MAGI1: variants seen among roughly 807,000 people sequenced by gnomAD.
The protein encoded by MAGI1 is membrane-associated guanylate kinase, WW and PDZ domain-containing protein 1.
A neutral mutation model predicts 139.9 loss-of-function variants in MAGI1; 58 were observed. That is an observed-to-expected ratio of 0.41 (90% CI 0.34 to 0.52). The LOEUF (loss-of-function observed/expected upper bound fraction) is 0.52, where lower values mean the gene tolerates loss of function less well. Ranked by LOEUF, MAGI1 falls within the 20% of genes least tolerant of loss-of-function variation. MAGI1 has a pLI of 0.12. For missense variants in MAGI1, 1,874 were observed against 1,901.6 expected (o/e 0.99, Z 0.27); for synonymous variants, 812 against 737.9 (o/e 1.10, Z -1.63).
At chr3:65,613,427 C>A (rs181495136) in intron 2 of MAGI1, among the ~76,000 whole-genome samples, 91 of 152,336 alleles carry the variant, frequency 6.0e-4, no homozygotes, top group Non-Finnish European at 9.1e-4. Context: ...TAAATTTAAT[C>A]TAAAACTCCC....
chr3:66,027,882 T>C (rs1002638815), intron 1 of MAGI1, among the ~76,000 whole-genome samples: 2 of 152,100 alleles, frequency 1.3e-5, no homozygotes, highest in Non-Finnish European at 2.9e-5. Context: ...GAAGCAACCC[T>C]CTCCTTAATT....
chr3:66,013,020 T>C (rs146989943), intron 1 of MAGI1, among the ~76,000 whole-genome samples: 46 of 152,330 alleles, frequency 3.0e-4, no homozygotes, highest in African/African-American at 1.0e-3. Context: ...TTAACTCCTA[T>C]TGTGTCTAAA....
At chr3:65,595,005 T>G (rs770341484) in intron 2 of MAGI1, among the ~76,000 whole-genome samples, 53 of 152,334 alleles carry the variant, frequency 3.5e-4, no homozygotes, top group Middle Eastern at 3.4e-3. Flanking sequence ...TCACCTGCTT[T>G]ATATTACGCA....
intron 1 of MAGI1, among the ~76,000 whole-genome samples, chr3:65,725,705 C>G (rs188726342): frequency 6.6e-6 from 1 of 152,318 alleles, no homozygotes; most frequent in African/African-American, 2.4e-5. Flanking sequence ...TCCTTCTTCA[C>G]TCTGCCAGAT....
chr3:65,585,550 C>G lies in MAGI1; in HGVS notation c.430+36422G>C, dbSNP rs149340725. On this transcript the variant is annotated intron_variant, in intron 2 of 22. Transcript: ENST00000402939. Reference sequence around the variant, plus strand: ...AGGTGAAGATGCAGAGCTTCTGTAACTCTTAGATGTTGCTGATGAAAATGA... The same window carrying G: ...AGGTGAAGATGCAGAGCTTCTGTAAGTCTTAGATGTTGCTGATGAAAATGA... 3.9e-5 allele frequency among the ~76,000 whole-genome samples: 6 copies of G among 152,274 alleles called. No homozygotes were observed. In the East Asian group the frequency reaches 1.2e-3, roughly 29 times the overall value.
chr3:65,423,465 T>C (rs1416378707), intron 12 of MAGI1, among the ~76,000 whole-genome samples: 1 of 152,208 alleles, frequency 6.6e-6, no homozygotes, highest in Non-Finnish European at 1.5e-5. Flanking sequence ...TCTGTTTGGA[T>C]CAATGACGAT....
At chr3:65,793,228 G>C (rs112462954) in intron 1 of MAGI1, among the ~76,000 whole-genome samples, 4,262 of 152,286 alleles carry the variant, frequency 0.028, 91 homozygotes, top group Non-Finnish European at 0.045. Flanking sequence ...GGCGCTCTCA[G>C]GGCTTAGCCA....
intron 14 of MAGI1, chr3:65,387,217 G>A (rs1559514493): frequency 6.2e-7 from 1 of 1,613,532 alleles, no homozygotes; most frequent in Admixed American, 1.7e-5. Flanking sequence ...CGCAGGTGAA[G>A]GTGACATAGC....
At position 65,481,203 on chromosome 3, in the gene MAGI1, C is replaced by T. The variant is rs535508897; in HGVS notation, c.551-2405G>A. On this transcript the variant is annotated intron_variant, in intron 3 of 22. Coordinates refer to ENST00000402939, the MANE Select transcript of MAGI1 (RefSeq NM_001033057.2). ...TTCTTTCAGGTTTCCAACTTACAGG[C>T]GCTAGAATTGAGTCGAATCAGCTTG... is the stretch of plus-strand genomic sequence containing the variant. 3.3e-5 allele frequency among the ~76,000 whole-genome samples: 5 copies of T among 152,216 alleles called. No homozygotes were observed. In the South Asian group the frequency reaches 6.2e-4, roughly 19 times the overall value.
At chr3:65,920,691 C>A (rs2062132397) in intron 1 of MAGI1, among the ~76,000 whole-genome samples, 1 of 152,144 alleles carries the variant, frequency 6.6e-6, no homozygotes, top group South Asian at 2.1e-4. Flanking sequence ...AATTGAATTA[C>A]CCTCCCCCCA....
intron 1 of MAGI1, among the ~76,000 whole-genome samples, chr3:65,848,707 T>C (rs907797157): frequency 1.4e-4 from 22 of 152,102 alleles, no homozygotes; most frequent in Admixed American, 2.6e-4. Context: ...TAGACCCAGA[T>C]AGGCCTGAGT....
intron 2 of MAGI1, among the ~76,000 whole-genome samples, chr3:65,536,992 T>C (rs1227204509): frequency 6.6e-6 from 1 of 152,162 alleles, no homozygotes; most frequent in Non-Finnish European, 1.5e-5. Context: ...TTCTCTTTTC[T>C]GTTTGAGTAT....
intron 1 of MAGI1, among the ~76,000 whole-genome samples, chr3:65,624,342 T>C (rs996761279): frequency 1.3e-5 from 2 of 152,028 alleles, no homozygotes; most frequent in African/African-American, 2.4e-5. Flanking sequence ...CAACTTTACT[T>C]ACAAATAGCC....
intron 2 of MAGI1, among the ~76,000 whole-genome samples, chr3:65,602,356 T>C (rs1401806895): frequency 1.3e-5 from 2 of 152,162 alleles, no homozygotes; most frequent in Non-Finnish European, 2.9e-5. Context: ...TATGAGAGGA[T>C]ACTATTGGGC....
intron 12 of MAGI1, among the ~76,000 whole-genome samples, chr3:65,424,697 A>G (rs1190415701): frequency 6.6e-6 from 1 of 152,194 alleles, no homozygotes; most frequent in Non-Finnish European, 1.5e-5. Context: ...AAAGTCTGTC[A>G]CTTACAAAAC....
At chr3:65,980,601 T>A (rs2065523544) in intron 1 of MAGI1, among the ~76,000 whole-genome samples, 1 of 150,060 alleles carries the variant, frequency 6.7e-6, no homozygotes, top group South Asian at 2.1e-4. Flanking sequence ...GAAGTCATTG[T>A]GACTTAGCAC....
At chr3:65,946,462 T>G (rs531118737) in intron 1 of MAGI1, among the ~76,000 whole-genome samples, 25 of 152,192 alleles carry the variant, frequency 1.6e-4, no homozygotes, top group African/African-American at 4.3e-4. Flanking sequence ...TTTTTTTCCG[T>G]TGGGCAGAAA....
chr3:65,637,142 A>G (rs1373110134), intron 1 of MAGI1, among the ~76,000 whole-genome samples: 1 of 152,190 alleles, frequency 6.6e-6, no homozygotes, highest in African/African-American at 2.4e-5. Context: ...TGACAGTCCC[A>G]CCCAGGGGTT....
intron 1 of MAGI1, among the ~76,000 whole-genome samples, chr3:65,859,755 A>G (rs2059488109): frequency 6.6e-6 from 1 of 151,852 alleles, no homozygotes; most frequent in Non-Finnish European, 1.5e-5. Context: ...AAGGAAGCAG[A>G]TAGATCCCCC....
Sources: gnomAD v4.1 joint callset for allele counts (sites outside exome capture counted in the v4.1 genomes callset) on GRCh38, gnomAD v4.1.1 for gene constraint, MANE v1.5 for transcripts, NCBI Gene and HGNC (gene_info 2026-07-23, HGNC 2026-07-21) for gene names.